The following WDR33 variants were observed in gnomAD, a reference collection of about 807,000 sequenced individuals.
The protein encoded by WDR33 is WD repeat domain 33.
In WDR33, 47 loss-of-function variants were observed where a neutral mutation model predicts 164.9. That is an observed-to-expected ratio of 0.29 (90% CI 0.23 to 0.36). WDR33 has a LOEUF of 0.36. Ranked by LOEUF, WDR33 falls within the 10% of genes least tolerant of loss-of-function variation. WDR33 has a pLI of 1.00. For synonymous variants in WDR33, 505 were observed against 589.0 expected (o/e 0.86, Z 2.06); for missense variants, 1,137 against 1,754.1 (o/e 0.65, Z 6.28).
rs1055624062 is a variant in WDR33, at chr2:127,710,924, C to T, written c.3309-1068G>A. Among the ~76,000 whole-genome samples, 8 of 152,218 alleles carry T rather than the reference C, an allele frequency of 5.3e-5. No individual in the cohort carries two copies. Among genetic ancestry groups the T allele is most frequent in the Non-Finnish European group, 1.2e-4 (8 of 68,042 alleles). On this transcript the variant is annotated intron_variant, in intron 18 of 21. Coordinates refer to ENST00000322313, the MANE Select transcript of WDR33 (RefSeq NM_018383.5). This position sits in a 1 kb window ranked among gnomAD's most constrained non-coding sequence, Gnocchi z 4.4. ...AATCCCTTCTTAATATTTTGCCACA[C>T]GTGCTTTATCTTCTCCGTCCAGCTA...
Position 127,771,355 on chromosome 2 carries a change from A to G in WDR33, c.-23-351T>C, listed in dbSNP as rs571594738. The stretch of plus-strand genomic sequence containing the variant: ...GAATGCTGGTGGCAACCGTAACACA[A>G]TAAGTATTCATGTGTCTAAACATAG... On this transcript the variant is annotated intron_variant, in intron 1 of 21. Coordinates refer to ENST00000322313, the MANE Select transcript of WDR33 (RefSeq NM_018383.5). Among the ~76,000 whole-genome samples the G allele has an allele frequency of 2.2e-4, 34 of 152,340 alleles. No individual in the cohort carries two copies. In the South Asian group the frequency reaches 3.5e-3, roughly 16 times the overall value.
rs763094961 is a variant in WDR33, at chr2:127,724,485, AC to A, written c.1086-43del. On this transcript the variant is annotated intron_variant, in intron 10 of 21. Coordinates refer to ENST00000322313, the MANE Select transcript of WDR33 (RefSeq NM_018383.5). The surrounding 1 kb of genome is among the most constrained non-coding windows in gnomAD (Gnocchi z 4.8). ...GAGAGAAGATTTGTTCACAAAAGTTACCCAGCTTCTCCCTCCCCCTCAAAAA... is the reference window on the plus strand; with the variant it reads ...GAGAGAAGATTTGTTCACAAAAGTTACCAGCTTCTCCCTCCCCCTCAAAAA... The A allele has an allele frequency of 4.8e-4, 746 of 1,555,636 alleles. 2 individuals are homozygous for A. The highest frequency in any genetic ancestry group is 2.0e-4 in the Non-Finnish European group (228 of 1,129,762).
Position 127,763,697 on chromosome 2 carries a change from G to A in WDR33, c.627-538C>T, listed in dbSNP as rs188544121. 18 of 985,608 alleles carry A rather than the reference G, an allele frequency of 1.8e-5. No individual in the cohort carries two copies. The East Asian group carries it at 1.9e-3, about 106-fold the overall frequency. The allele number at this position is 985,608 out of a possible 1,614,324, so 61.1% of individuals were successfully genotyped here. On this transcript the variant is annotated intron_variant, in intron 6 of 21. Coordinates refer to ENST00000322313, the MANE Select transcript of WDR33 (RefSeq NM_018383.5). The surrounding 1 kb of genome is among the most constrained non-coding windows in gnomAD (Gnocchi z 4.5). ...TGTAGAAAAGTTTCACATCTTCCTG[G>A]CAAGCTATTCCATGAATGTTGCACC...
At chr2:127,771,338 G>A (rs1687995469) in intron 1 of WDR33, among the ~76,000 whole-genome samples, 1 of 152,168 alleles carries the variant, frequency 6.6e-6, no homozygotes, top group Non-Finnish European at 1.5e-5. Flanking sequence ...CTGAATGCTG[G>A]TGGCAACCGT....
intron 1 of WDR33, among the ~76,000 whole-genome samples, chr2:127,805,146 C>T (rs1275370556): frequency 3.9e-5 from 5 of 126,986 alleles, no homozygotes; most frequent in African/African-American, 1.2e-4. Context: ...AGCAGGATGT[C>T]GGCTCACTGC....
intron 2 of WDR33, among the ~76,000 whole-genome samples, chr2:127,769,250 G>A (rs990499426): frequency 2.0e-5 from 3 of 151,996 alleles, no homozygotes; most frequent in African/African-American, 7.3e-5. Flanking sequence ...CACTTTGTGA[G>A]GGCGAGGCAG....
Position 127,720,134 on chromosome 2 carries a change from G to A in WDR33, c.1891C>T (p.Pro631Ser), listed in dbSNP as rs750370301. 19 of 1,614,180 alleles carry A rather than the reference G, an allele frequency of 1.2e-5. No homozygotes were observed. The Admixed American group carries it at 2.7e-4, about 23-fold the overall frequency. ...CCTTGTGGTCCCATTTGTCCCTGGG[G>A]TCCAGGAGGCCTAAACTGTCCCTGT... is the stretch of plus-strand genomic sequence containing the variant. ...GPQGQFRPPG[P>S]QGQMGPQGPP... The change falls in exon 16 of 22, where the codon CCC becomes TCC. Residue 631 changes from proline (P) to serine (S), a missense_variant. Pro to Ser is a moderately conservative substitution (Grantham distance 74). This residue lies in a region of WDR33 where 867 missense variants were observed against 1,073.0 expected (regional missense o/e 0.81). Transcript: ENST00000322313. The surrounding 1 kb of genome is among the most constrained non-coding windows in gnomAD (Gnocchi z 5.9).
chr2:127,780,365 T>C (rs1688329358), intron 1 of WDR33, among the ~76,000 whole-genome samples: 1 of 152,230 alleles, frequency 6.6e-6, no homozygotes, highest in African/African-American at 2.4e-5. Flanking sequence ...AGATAATCAA[T>C]CTACTCTAAA....
Position 127,713,119 on chromosome 2 carries a change from A to T in WDR33, c.3308+464T>A, listed in dbSNP as rs1352270830. 6.6e-6 allele frequency among the ~76,000 whole-genome samples: 1 copy of T among 152,206 alleles called. No individual in the cohort carries two copies. Among genetic ancestry groups the T allele is most frequent in the East Asian group, 1.9e-4 (1 of 5,198 alleles). On this transcript the variant is annotated intron_variant, in intron 18 of 21. Transcript: ENST00000322313. The surrounding 1 kb of genome is among the most constrained non-coding windows in gnomAD (Gnocchi z 6.2). ...TAAACTCCCCAAGAATGCTGAGATG[A>T]GTGTTCAAGCCTGATCTAAGTTTAA...
At position 127,763,430 on chromosome 2, in the gene WDR33, T is replaced by C; in HGVS notation, c.627-271A>G. ...TAGTGCTAATGCTATCCATGTTCCT[T>C]CTCTATTTTCTATGATACGAGGAAA... On this transcript the variant is annotated intron_variant, in intron 6 of 21. Transcript: ENST00000322313. This position sits in a 1 kb window ranked among gnomAD's most constrained non-coding sequence, Gnocchi z 4.5. 8.5e-7 allele frequency: 1 copy of C among 1,174,732 alleles called. No individual in the cohort carries two copies. Among genetic ancestry groups the C allele is most frequent in the South Asian group, 2.7e-5 (1 of 37,276 alleles). The allele number at this position is 1,174,732 out of a possible 1,614,324, so 72.8% of individuals were successfully genotyped here. A position where few individuals can be genotyped will look rare whatever the true frequency, so the allele number is the denominator to read the frequency against.
intron 1 of WDR33, among the ~76,000 whole-genome samples, chr2:127,800,510 G>T (rs190643700): frequency 6.6e-6 from 1 of 151,722 alleles, no homozygotes; most frequent in African/African-American, 2.4e-5. Flanking sequence ...GGTGGAGGGC[G>T]CCTGTAGTCC....
At chr2:127,810,724 A>G (rs1241868473) in intron 1 of WDR33, 4 of 152,160 alleles carry the variant, frequency 2.6e-5, no homozygotes, top group African/African-American at 9.7e-5. Flanking sequence ...TCCAAACTTC[A>G]CGTCTTAACT....
At chr2:127,731,714 T>C (rs1285822290) in intron 7 of WDR33, among the ~76,000 whole-genome samples, 1 of 152,230 alleles carries the variant, frequency 6.6e-6, no homozygotes, top group Non-Finnish European at 1.5e-5. Context: ...AAATGTTCTA[T>C]ATCTAGATTA....
intron 4 of WDR33, among the ~76,000 whole-genome samples, chr2:127,767,387 T>C (rs1266159179): frequency 6.6e-6 from 1 of 152,232 alleles, no homozygotes; most frequent in Non-Finnish European, 1.5e-5. Context: ...CTAAAAATTA[T>C]ATTTTTTAAA....
chr2:127,709,498 C>T lies in WDR33; in HGVS notation c.3557G>A (p.Arg1186Lys). The change falls in exon 20 of 22, where the codon AGA becomes AAA. Residue 1186 changes from arginine (R) to lysine (K), a missense_variant. Around this residue, in one of 9 missense-constraint regions of WDR33, gnomAD observed 867 missense variants for 1,073.0 expected, o/e 0.81. Transcript: ENST00000322313. The surrounding 1 kb of genome is among the most constrained non-coding windows in gnomAD (Gnocchi z 5.0). The stretch of plus-strand genomic sequence containing the variant: ...GCGGTTCTTTTCCTTACCAGGCTCT[C>T]TGTTTCCATCCCAGGAATCTGGCTT... ...GRKPDSWDGNREPGPGHEHFR... is the reference protein window; with the variant it reads ...GRKPDSWDGNKEPGPGHEHFR... The T allele has an allele frequency of 6.2e-7, 1 of 1,614,066 alleles. No homozygotes were observed. Among genetic ancestry groups the T allele is most frequent in the Non-Finnish European group, 8.5e-7 (1 of 1,179,914 alleles).
rs559933448 is a variant in WDR33, at chr2:127,702,002, C to T, written c.*4321G>A. On this transcript the variant is annotated 3_prime_UTR_variant, in exon 22 of 22. Transcript: ENST00000322313. ...TGGCAGCGCTGGGCGCCACGCTGTT[C>T]GCCGCGCTGGGCCTTCGCAGCACGC... 1,438 of 1,322,452 alleles carry T rather than the reference C, an allele frequency of 1.1e-3. 6 individuals are homozygous for T. In the African/African-American group the frequency reaches 0.02, roughly 19 times the overall value. The allele number at this position is 1,322,452 out of a possible 1,614,324, so 81.9% of individuals were successfully genotyped here.
At position 127,723,382 on chromosome 2, in the gene WDR33, C is replaced by T. The variant is rs2105383815; in HGVS notation, c.1197-35G>A. On this transcript the variant is annotated intron_variant, in intron 11 of 21. Transcript: ENST00000322313. This position sits in a 1 kb window ranked among gnomAD's most constrained non-coding sequence, Gnocchi z 5.9. Reference sequence around the variant, plus strand: ...TAATTAAAGGAGAAAAGAAGCATGGCTTCACTATTTTTTTGGGCACTAAAC... The same window carrying T: ...TAATTAAAGGAGAAAAGAAGCATGGTTTCACTATTTTTTTGGGCACTAAAC... 2 of 1,592,208 alleles carry T rather than the reference C, an allele frequency of 1.3e-6. No homozygotes were observed. The highest frequency in any genetic ancestry group is 1.3e-5 in the African/African-American group (1 of 74,508).
chr2:127,733,203 C>CA (rs540398459), intron 7 of WDR33, among the ~76,000 whole-genome samples: 8 of 151,738 alleles, frequency 5.3e-5, no homozygotes, highest in South Asian at 4.2e-4. Flanking sequence ...CCCCTGACAA[C>CA]AAAAAAAAGG....
rs1686934929 is a variant in WDR33, at chr2:127,738,887, T to C, written c.725-12110A>G. Reference sequence around the variant, plus strand: ...AGAGGAGGAGGAGAATGGAACAAAATCTTGAAAGTGCTGAAATAGGGGGAA... The same window carrying C: ...AGAGGAGGAGGAGAATGGAACAAAACCTTGAAAGTGCTGAAATAGGGGGAA... On this transcript the variant is annotated intron_variant, in intron 7 of 21. Transcript: ENST00000322313. This position sits in a 1 kb window ranked among gnomAD's most constrained non-coding sequence, Gnocchi z 4.4. 6.6e-6 allele frequency among the ~76,000 whole-genome samples: 1 copy of C among 152,102 alleles called. No individual in the cohort carries two copies. The highest frequency in any genetic ancestry group is 2.1e-4 in the South Asian group (1 of 4,828).
Sources: allele counts gnomAD v4.1 joint callset (sites outside exome capture counted in the v4.1 genomes callset), GRCh38; gene constraint gnomAD v4.1.1; regional missense constraint gnomAD v4.1.1; non-coding constraint Gnocchi (gnomAD v3.1); transcripts MANE v1.5; gene names NCBI Gene and HGNC (gene_info 2026-07-23, HGNC 2026-07-21).